Variants in THSD4 observed in about 807,000 individuals in gnomAD.
THSD4 encodes thrombospondin type-1 domain-containing protein 4.
Under a neutral mutation model 119.0 loss-of-function variants are expected in THSD4, and 69 were observed. The ratio of observed to expected loss-of-function variants is 0.58; its 90% CI spans 0.48 to 0.71. The LOEUF (loss-of-function observed/expected upper bound fraction) is 0.71, where lower values mean the gene tolerates loss of function less well. Ranked by LOEUF, THSD4 falls within the 30% of genes least tolerant of loss-of-function variation. The pLI, the probability that THSD4 is intolerant of heterozygous loss-of-function variation, is 0.00. For synonymous variants in THSD4, 524 were observed against 540.4 expected (o/e 0.97, Z 0.42); for missense variants, 1,393 against 1,391.1 (o/e 1.00, Z -0.02).
Position 71,728,900 on chromosome 15 carries a change from A to G in THSD4, c.1533+176A>G, listed in dbSNP as rs372413158. Reference sequence around the variant, plus strand: ...GCGTTCATCTTTGCCTTTACTTCTGAATGGGCCCAGCTCACAGCAACCTCC... The same window carrying G: ...GCGTTCATCTTTGCCTTTACTTCTGGATGGGCCCAGCTCACAGCAACCTCC... On this transcript the variant is annotated intron_variant, in intron 9 of 17. Coordinates refer to ENST00000261862, the MANE Select transcript of THSD4 (RefSeq NM_024817.3). The G allele has an allele frequency of 2.6e-3, 2,033 of 779,112 alleles. 7 individuals carry two copies. The highest frequency in any genetic ancestry group is 3.5e-3 in the Non-Finnish European group (1,711 of 483,724). The allele number at this position is 779,112 out of a possible 1,614,324, so 48.3% of individuals were successfully genotyped here.
chr15:71,299,468 A>G (rs1266185952), intron 6 of THSD4, among the ~76,000 whole-genome samples: 1 of 152,246 alleles, frequency 6.6e-6, no homozygotes, highest in Non-Finnish European at 1.5e-5. Flanking sequence ...TAAGCCAGGC[A>G]GAAGAAGACA....
chr15:71,325,174 A>G (rs938075878), intron 6 of THSD4, among the ~76,000 whole-genome samples: 2 of 152,214 alleles, frequency 1.3e-5, no homozygotes, highest in Non-Finnish European at 2.9e-5. Context: ...TTCTTGCTGA[A>G]GATGTGGGTT....
At chr15:71,462,184 C>G (rs1316709939) in intron 7 of THSD4, among the ~76,000 whole-genome samples, 2 of 152,102 alleles carry the variant, frequency 1.3e-5, no homozygotes, top group Non-Finnish European at 2.9e-5. Flanking sequence ...CTTTTTGAGA[C>G]AGGGTCTCAC....
Position 71,747,036 on chromosome 15 carries a change from G to A in THSD4, c.2235G>A (p.Trp745Ter). ...GCGAGTGGCAGATCCGGACCGACTGGACCTCGGTACGCAGGCAGGGCAGCC... is the reference window on the plus strand; with the variant it reads ...GCGAGTGGCAGATCCGGACCGACTGAACCTCGGTACGCAGGCAGGGCAGCC... ...ICSEWQIRTDWTSCSVPCGVG... is the reference protein window; with the variant it reads ...ICSEWQIRTD Residue 745 changes from tryptophan (W) to a stop codon, truncating the protein, a stop_gained, in exon 13 of 18, where the codon TGG becomes TGA. Coordinates refer to ENST00000261862, the MANE Select transcript of THSD4 (RefSeq NM_024817.3). LOFTEE classifies it high-confidence loss of function. The A allele has an allele frequency of 6.2e-7, 1 of 1,605,712 alleles. No individual in the cohort carries two copies. Among genetic ancestry groups the A allele is most frequent in the Non-Finnish European group, 8.5e-7 (1 of 1,177,840 alleles).
intron 6 of THSD4, among the ~76,000 whole-genome samples, chr15:71,365,051 A>T (rs1206434508): frequency 6.6e-6 from 1 of 151,958 alleles, no homozygotes; most frequent in Non-Finnish European, 1.5e-5. Flanking sequence ...TTTTCCAGAG[A>T]TGATACAAAA....
At chr15:71,670,633 G>A (rs2051506009) in intron 8 of THSD4, among the ~76,000 whole-genome samples, 1 of 151,612 alleles carries the variant, frequency 6.6e-6, no homozygotes, top group Non-Finnish European at 1.5e-5. Context: ...ATCTCCTAAT[G>A]CTATCCCTCC....
intron 8 of THSD4, among the ~76,000 whole-genome samples, chr15:71,708,966 G>T (rs1404432384): frequency 6.6e-6 from 1 of 152,222 alleles, no homozygotes; most frequent in African/African-American, 2.4e-5. Flanking sequence ...CTAAGCCGAG[G>T]TTTCCCTGCT....
At chr15:71,664,017 C>T (rs2051363402) in intron 8 of THSD4, among the ~76,000 whole-genome samples, 1 of 151,740 alleles carries the variant, frequency 6.6e-6, no homozygotes, top group Non-Finnish European at 1.5e-5. Flanking sequence ...GAGTCTCACT[C>T]TGTCGCCCAG....
Position 71,698,075 on chromosome 15 carries a change from G to A in THSD4, c.1358-30474G>A, listed in dbSNP as rs189584004. Among the ~76,000 whole-genome samples the A allele has an allele frequency of 2.0e-3, 312 of 152,214 alleles. 3 individuals carry two copies. The highest frequency in any genetic ancestry group is 0.011 in the Admixed American group (166 of 15,302). Reference sequence around the variant, plus strand: ...CCCTTCTCACACTGCAGAGTCCCTCGGGACCGCCCCAGGACCTGGGGGCTA... The same window carrying A: ...CCCTTCTCACACTGCAGAGTCCCTCAGGACCGCCCCAGGACCTGGGGGCTA... On this transcript the variant is annotated intron_variant, in intron 8 of 17. Transcript: ENST00000261862.
intron 6 of THSD4, among the ~76,000 whole-genome samples, chr15:71,383,828 A>G (rs1265202741): frequency 6.6e-6 from 1 of 152,228 alleles, no homozygotes; most frequent in Non-Finnish European, 1.5e-5. Context: ...GTTAGGTATT[A>G]TAAGTAATGT....
chr15:71,333,938 T>A (rs1430859976), intron 6 of THSD4, among the ~76,000 whole-genome samples: 1 of 152,234 alleles, frequency 6.6e-6, no homozygotes, highest in Non-Finnish European at 1.5e-5. Context: ...AAATAACATT[T>A]TTGCCTGTTT....
chr15:71,519,446 C>T (rs1160659899), intron 7 of THSD4, among the ~76,000 whole-genome samples: 2 of 152,042 alleles, frequency 1.3e-5, no homozygotes, highest in African/African-American at 4.8e-5. Flanking sequence ...ACTGCAGCCT[C>T]TGCCTCCCGA....
At chr15:71,240,504 A>G (rs2044142723) in intron 4 of THSD4, among the ~76,000 whole-genome samples, 1 of 152,138 alleles carries the variant, frequency 6.6e-6, no homozygotes, top group Non-Finnish European at 1.5e-5. Flanking sequence ...CTCAGGCTGC[A>G]CCCTAGATGT....
At chr15:71,339,936 T>G (rs1244229429) in intron 6 of THSD4, among the ~76,000 whole-genome samples, 3 of 152,138 alleles carry the variant, frequency 2.0e-5, no homozygotes, top group African/African-American at 7.2e-5. Context: ...GGCTAATTTT[T>G]GTATTTTTAG....
At chr15:71,490,559 C>A (rs1290031134) in intron 7 of THSD4, among the ~76,000 whole-genome samples, 87 of 90,890 alleles carry the variant, frequency 9.6e-4, no homozygotes, top group African/African-American at 2.6e-3. Context: ...GACTCCGTCT[C>A]AAAAAAAAAA....
intron 6 of THSD4, among the ~76,000 whole-genome samples, chr15:71,343,939 C>T (rs1181991505): frequency 6.6e-6 from 1 of 151,860 alleles, no homozygotes; most frequent in Admixed American, 6.6e-5. Context: ...GTCTTAAACT[C>T]CTGGGCTCAA....
intron 7 of THSD4, among the ~76,000 whole-genome samples, chr15:71,604,473 A>C (rs2050070976): frequency 2.0e-5 from 3 of 152,234 alleles, no homozygotes; most frequent in Admixed American, 6.5e-5. Context: ...TTTATTCAGC[A>C]GTTTGAGAAT....
chr15:71,668,362 A>G (rs137963061), intron 8 of THSD4, among the ~76,000 whole-genome samples: 1 of 152,310 alleles, frequency 6.6e-6, no homozygotes, highest in African/African-American at 2.4e-5. Flanking sequence ...AGCAGAGCAG[A>G]GGAAATCACA....
intron 7 of THSD4, among the ~76,000 whole-genome samples, chr15:71,627,489 A>G (rs1335137060): frequency 1.3e-5 from 2 of 152,142 alleles, no homozygotes; most frequent in Non-Finnish European, 2.9e-5. Flanking sequence ...CAGCCCCTTC[A>G]CTAGATGAGA....
Sources: allele counts gnomAD v4.1 joint callset (sites outside exome capture counted in the v4.1 genomes callset), GRCh38; gene constraint gnomAD v4.1.1; transcripts MANE v1.5; gene names NCBI Gene and HGNC (gene_info 2026-07-23, HGNC 2026-07-21).